The following KYAT1 variants were observed in gnomAD, a reference collection of about 807,000 sequenced individuals.
KYAT1 encodes kynurenine aminotransferase 1.
Under a neutral mutation model 52.4 loss-of-function variants are expected in KYAT1, and 47 were observed. The ratio of observed to expected loss-of-function variants is 0.90; its 90% CI spans 0.71 to 1.14. The LOEUF (loss-of-function observed/expected upper bound fraction) is 1.14, where lower values mean the gene tolerates loss of function less well. KYAT1 is among the 50% of genes most tolerant of loss of function. The probability of loss-of-function intolerance (pLI) is 0.00; values close to 1 mark genes in which losing one functional copy is unlikely to be tolerated. For synonymous variants in KYAT1, 212 were observed against 209.6 expected, an observed-to-expected ratio of 1.01 and a Z score of -0.10; for missense variants, 480 against 557.9, an observed-to-expected ratio of 0.86 and a Z score of 1.41.
At chr9:128,850,383 C>T (rs188931702) in intron 1 of KYAT1, among the ~76,000 whole-genome samples, 32 of 152,324 alleles carry the variant, frequency 2.1e-4, no homozygotes, top group African/African-American at 7.5e-4. Context: ...TTTGCCCTAA[C>T]TTTGAGCTCA....
chr9:128,861,023 A>C (rs574699973), intron 1 of KYAT1, among the ~76,000 whole-genome samples: 1 of 152,334 alleles, frequency 6.6e-6, no homozygotes, highest in South Asian at 2.1e-4. Flanking sequence ...CACAGACCCT[A>C]AGGGAACACA....
At chr9:128,837,065 G>A (rs374543948) in intron 6 of KYAT1, 143 bp from the exon 7 acceptor site, 188 of 1,040,846 alleles carry the variant, frequency 1.8e-4, no homozygotes, top group Non-Finnish European at 2.3e-4. Flanking sequence ...AGGCCGAGGC[G>A]GGCGGAACAC....
chr9:128,856,909 A>C (rs1834695260), intron 1 of KYAT1, among the ~76,000 whole-genome samples: 1 of 152,238 alleles, frequency 6.6e-6, no homozygotes, highest in South Asian at 2.1e-4. Flanking sequence ...GTAGATTAGT[A>C]AAAGAGGAAA....
At chr9:128,844,655 A>C (rs1448814544) in intron 2 of KYAT1, among the ~76,000 whole-genome samples, 1 of 151,858 alleles carries the variant, frequency 6.6e-6, no homozygotes, top group African/African-American at 2.4e-5. Flanking sequence ...ATGCCACTGC[A>C]CTCCAGCCTG....
intron 1 of KYAT1, among the ~76,000 whole-genome samples, chr9:128,852,883 T>G (rs574187781): frequency 6.6e-6 from 1 of 152,164 alleles, no homozygotes; most frequent in Non-Finnish European, 1.5e-5. Flanking sequence ...ACTAAAGAAA[T>G]TGAATTAGTT....
chr9:128,866,474 C>G (rs1355230735), intron 1 of KYAT1, among the ~76,000 whole-genome samples: 1 of 151,332 alleles, frequency 6.6e-6, no homozygotes, highest in African/African-American at 2.4e-5. Context: ...TGGCAGGCAC[C>G]TGTAATCCCA....
Position 128,835,517 on chromosome 9 carries a change from C to T in KYAT1, c.1006G>A (p.Gly336Ser). The change falls in exon 10 of 13, where the codon GGC becomes AGC. Residue 336 changes from glycine to serine, a missense_variant. Transcript: ENST00000302586. ...SVGLKPIIPQ[G>S]SYFLITDISD... ...ATGTCTGTGATGAGGAAGTAGCTGC[C>T]CTGAGGGATGATGGGCTTCAGGCCC... 1 of 1,613,770 alleles carries T rather than the reference C, an allele frequency of 6.2e-7. No homozygotes were observed. Among genetic ancestry groups the T allele is most frequent in the Non-Finnish European group, 8.5e-7 (1 of 1,180,034 alleles).
chr9:128,852,179 T>C (rs1206503084), intron 1 of KYAT1, among the ~76,000 whole-genome samples: 1 of 152,210 alleles, frequency 6.6e-6, no homozygotes, highest in Admixed American at 6.5e-5. Flanking sequence ...GTGTTTGTAA[T>C]TCAGAAAAAA....
At chr9:128,850,016 C>T (rs1294183079) in intron 1 of KYAT1, among the ~76,000 whole-genome samples, 1 of 151,056 alleles carries the variant, frequency 6.6e-6, no homozygotes, top group African/African-American at 2.4e-5. Context: ...TCCTGAGTAG[C>T]TGGGATTATA....
chr9:128,837,502 G>C (rs763646528), intron 6 of KYAT1, among the ~76,000 whole-genome samples, 183 bp downstream of exon 6: 1 of 152,214 alleles, frequency 6.6e-6, no homozygotes, highest in Non-Finnish European at 1.5e-5. Flanking sequence ...CCAGCCCTCA[G>C]GCCTTCCCTG....
chr9:128,841,564 C>T (rs114693903), intron 3 of KYAT1, among the ~76,000 whole-genome samples: 6,702 of 151,174 alleles, frequency 0.044, 164 homozygotes, highest in Middle Eastern at 0.082. Context: ...GGCGTGGGGG[C>T]GCACCCCTAT....
intron 2 of KYAT1, 35 bp downstream of exon 2, chr9:128,845,318 G>A: frequency 6.2e-7 from 1 of 1,600,868 alleles, no homozygotes; most frequent in Non-Finnish European, 8.6e-7. Flanking sequence ...TGCCCGAGGG[G>A]ACACCCACAC....
At chr9:128,873,942 T>C (rs1297169738) in intron 1 of KYAT1, among the ~76,000 whole-genome samples, 3 of 30,804 alleles carry the variant, frequency 9.7e-5, no homozygotes, top group Non-Finnish European at 1.4e-4. Context: ...CAAATCTCCG[T>C]CTCAAAAAAA....
At chr9:128,864,206 C>T (rs556012005) in intron 1 of KYAT1, among the ~76,000 whole-genome samples, 9 of 150,938 alleles carry the variant, frequency 6.0e-5, no homozygotes, top group Admixed American at 4.6e-4. Flanking sequence ...ACTAAAAATA[C>T]GAAAAAAAAA....
chr9:128,850,978 T>C (rs2759014), intron 1 of KYAT1, among the ~76,000 whole-genome samples: 149,740 of 152,290 alleles, frequency 0.98, 73,656 homozygotes, highest in Middle Eastern at 1. Context: ...CTTTTGCTCA[T>C]GTTTTTTGCT....
At chr9:128,857,767 C>G (rs374667811) in intron 1 of KYAT1, among the ~76,000 whole-genome samples, 30 of 152,244 alleles carry the variant, frequency 2.0e-4, no homozygotes, top group Admixed American at 4.6e-4. Flanking sequence ...ACCCGGGAGG[C>G]GGAGCTTGCA....
chr9:128,860,523 C>T (rs1353574913), intron 1 of KYAT1: 2 of 151,256 alleles, frequency 1.3e-5, no homozygotes, highest in African/African-American at 4.9e-5. Flanking sequence ...ACCTAATTTT[C>T]TGATGAACTG....
intron 1 of KYAT1, 114 bp from the exon 2 acceptor site, chr9:128,845,525 C>T (rs1356683590): frequency 1.0e-6 from 1 of 962,700 alleles, no homozygotes; most frequent in Non-Finnish European, 1.6e-6. Flanking sequence ...TGTCTGCTCC[C>T]AGGAGGGGGA....
chr9:128,881,317 G>A (rs1282186643), intron 1 of KYAT1, among the ~76,000 whole-genome samples: 1 of 152,034 alleles, frequency 6.6e-6, no homozygotes, highest in African/African-American at 2.4e-5. Context: ...TCCTGACCTC[G>A]TGATCCGCCC....
Sources: allele counts gnomAD v4.1 joint callset (sites outside exome capture counted in the v4.1 genomes callset), GRCh38; gene constraint gnomAD v4.1.1; transcripts MANE v1.5; gene names NCBI Gene and HGNC (gene_info 2026-07-23, HGNC 2026-07-21).